SDCCAG8: variants seen among roughly 807,000 people sequenced by gnomAD.
SDCCAG8 encodes SHH signaling and ciliogenesis regulator SDCCAG8.
A neutral mutation model predicts 101.8 loss-of-function variants in SDCCAG8; 74 were observed. That is an observed-to-expected ratio of 0.73 (90% confidence interval 0.60 to 0.88). The LOEUF (loss-of-function observed/expected upper bound fraction) is 0.88, where lower values mean the gene tolerates loss of function less well. Ranked by LOEUF, SDCCAG8 falls within the 40% of genes least tolerant of loss-of-function variation. The pLI, the probability that SDCCAG8 is intolerant of heterozygous loss-of-function variation, is 0.00. For synonymous variants in SDCCAG8, 281 were observed against 292.9 expected (o/e 0.96, Z 0.41); for missense variants, 787 against 822.6 (o/e 0.96, Z 0.53).
At chr1:243,281,960 G>A (rs1473768736) in intron 4 of SDCCAG8, among the ~76,000 whole-genome samples, 1 of 151,950 alleles carries the variant, frequency 6.6e-6, no homozygotes, top group Non-Finnish European at 1.5e-5. Context: ...TTGTGGCTTT[G>A]ATTGAGCATT....
intron 13 of SDCCAG8, among the ~76,000 whole-genome samples, chr1:243,411,044 TA>T (rs2080134921): frequency 6.6e-6 from 1 of 152,226 alleles, no homozygotes; most frequent in Non-Finnish European, 1.5e-5. Context: ...GTGATGTGAA[TA>T]ACTTGGAGAA....
chr1:243,316,957 T>C, intron 9 of SDCCAG8, 64 bp downstream of exon 9: 1 of 1,510,762 alleles, frequency 6.6e-7, no homozygotes, highest in Non-Finnish European at 9.1e-7. Context: ...TTCTGAGTAT[T>C]TATTTGGTTA....
At chr1:243,295,306 C>T (rs577636763) in intron 6 of SDCCAG8, among the ~76,000 whole-genome samples, 81 of 152,130 alleles carry the variant, frequency 5.3e-4, no homozygotes, top group Non-Finnish European at 8.8e-4. Flanking sequence ...GGTGCCATCT[C>T]AGCTCACCAC....
In SDCCAG8 at chr1:243,499,872, G is replaced by C; in HGVS notation, c.*87G>C. 7.6e-7 allele frequency: 1 copy of C among 1,316,998 alleles called. No homozygotes were observed. The highest frequency in any genetic ancestry group is 1.1e-6 in the Non-Finnish European group (1 of 923,698). The allele number at this position is 1,316,998 out of a possible 1,614,324, so 81.6% of individuals were successfully genotyped here. ...GACTTAATATGCCACAACGCACCAC[G>C]ACCTTCCCAGGGTGACACCGCCTCA... On this transcript the variant is annotated 3_prime_UTR_variant, in exon 18 of 18. Transcript: ENST00000366541.
intron 5 of SDCCAG8, among the ~76,000 whole-genome samples, chr1:243,289,609 A>G (rs889618184): frequency 4.6e-5 from 7 of 152,324 alleles, no homozygotes; most frequent in African/African-American, 4.8e-5. Context: ...AGGTGTTATT[A>G]TCTCTGTTTT....
At chr1:243,491,734 T>A (rs1270998802) in intron 17 of SDCCAG8, among the ~76,000 whole-genome samples, 2 of 152,324 alleles carry the variant, frequency 1.3e-5, no homozygotes, top group East Asian at 3.9e-4. Flanking sequence ...GTATTTTGGA[T>A]GCGGTGCCGC....
intron 12 of SDCCAG8, among the ~76,000 whole-genome samples, chr1:243,351,599 A>T (rs1167846049): frequency 6.6e-6 from 1 of 152,230 alleles, no homozygotes; most frequent in East Asian, 1.9e-4. Context: ...TGTTCAGCAT[A>T]CTTAGAGAAA....
chr1:243,409,321 T>A (rs2080004662), intron 13 of SDCCAG8, among the ~76,000 whole-genome samples: 1 of 152,174 alleles, frequency 6.6e-6, no homozygotes, highest in Non-Finnish European at 1.5e-5. Flanking sequence ...GTTCTATGTA[T>A]GTTGTTGGAT....
In SDCCAG8 at chr1:243,293,152, A is replaced by G. The variant is rs1176153899; in HGVS notation, c.608A>G (p.Lys203Arg). The G allele has an allele frequency of 6.2e-7, 1 of 1,614,198 alleles. No individual in the cohort carries two copies. Among genetic ancestry groups the G allele is most frequent in the Non-Finnish European group, 8.5e-7 (1 of 1,180,034 alleles). Residue 203 changes from lysine to arginine, a missense_variant, in exon 6 of 18, where the codon AAA (lysine) becomes AGA (arginine). Coordinates refer to ENST00000366541, the MANE Select transcript of SDCCAG8 (RefSeq NM_006642.5). Reference protein sequence around the residue: ...GEDSGVGETSKRPFSHDNADF... With the variant: ...GEDSGVGETSRRPFSHDNADF... Reference sequence around the variant, plus strand: ...GATTCTGGGGTGGGCGAAACCTCCAAAAGACCATTTTCCCATGACAATGCA... The same window carrying G: ...GATTCTGGGGTGGGCGAAACCTCCAGAAGACCATTTTCCCATGACAATGCA...
intron 16 of SDCCAG8, among the ~76,000 whole-genome samples, chr1:243,435,908 C>A (rs963812410): frequency 6.6e-6 from 1 of 152,012 alleles, no homozygotes; most frequent in African/African-American, 2.4e-5. Flanking sequence ...GTTTTAGGTT[C>A]ACAGCAAAAT....
chr1:243,393,248 C>T (rs1454804884), intron 13 of SDCCAG8, among the ~76,000 whole-genome samples: 1 of 152,012 alleles, frequency 6.6e-6, no homozygotes, highest in Non-Finnish European at 1.5e-5. Flanking sequence ...AGCCGGGTGC[C>T]AGGTAGGAGG....
chr1:243,364,079 G>C (rs2076865522), intron 12 of SDCCAG8, among the ~76,000 whole-genome samples: 1 of 152,066 alleles, frequency 6.6e-6, no homozygotes. Flanking sequence ...CATAAGGTGA[G>C]ATCACGTACA....
At chr1:243,363,485 A>G (rs2076832728) in intron 12 of SDCCAG8, among the ~76,000 whole-genome samples, 1 of 152,180 alleles carries the variant, frequency 6.6e-6, no homozygotes, top group African/African-American at 2.4e-5. Context: ...GAAACTCCCA[A>G]TGAGAGGTCA....
chr1:243,446,815 T>C (rs1172277422), intron 16 of SDCCAG8, among the ~76,000 whole-genome samples: 2 of 152,154 alleles, frequency 1.3e-5, no homozygotes, highest in Non-Finnish European at 2.9e-5. Flanking sequence ...CAGTTGGGGC[T>C]GCTTGGGGCT....
chr1:243,307,794 A>G (rs904712539), intron 7 of SDCCAG8, 195 bp from the exon 8 acceptor site: 1 of 1,447,738 alleles, frequency 6.9e-7, no homozygotes, highest in Non-Finnish European at 9.0e-7. Context: ...CAGTCTCATC[A>G]TATTCAACGT....
intron 16 of SDCCAG8, among the ~76,000 whole-genome samples, chr1:243,429,440 G>A (rs1012752154): frequency 8.6e-5 from 13 of 152,030 alleles, no homozygotes; most frequent in Non-Finnish European, 1.0e-4. Context: ...CTGTACAGGG[G>A]GTTGATGCTC....
chr1:243,368,067 T>C (rs768188300), intron 12 of SDCCAG8, among the ~76,000 whole-genome samples: 53 of 151,624 alleles, frequency 3.5e-4, no homozygotes, highest in Non-Finnish European at 7.1e-4. Context: ...AATACAGAAA[T>C]TAGCCTGGCA....
intron 5 of SDCCAG8, among the ~76,000 whole-genome samples, chr1:243,290,703 C>T (rs1402029686): frequency 6.6e-6 from 1 of 152,222 alleles, no homozygotes; most frequent in Admixed American, 6.5e-5. Flanking sequence ...ATGAGGTTCT[C>T]TCTTCTTCGA....
At chr1:243,276,104 C>T (rs7548447) in intron 4 of SDCCAG8, among the ~76,000 whole-genome samples, 4,688 of 152,014 alleles carry the variant, frequency 0.031, 238 homozygotes, top group African/African-American at 0.11. Context: ...CCTCGTGATC[C>T]GTCCGCCTTG....
Sources: allele counts gnomAD v4.1 joint callset (sites outside exome capture counted in the v4.1 genomes callset), GRCh38; gene constraint gnomAD v4.1.1; transcripts MANE v1.5; gene names NCBI Gene and HGNC (gene_info 2026-07-23, HGNC 2026-07-21).